Variants in GABRB2 observed in about 807,000 individuals in gnomAD.
GABRB2 encodes gamma-aminobutyric acid receptor subunit beta-2.
In GABRB2, 16 loss-of-function variants were observed where a neutral mutation model predicts 54.7. The ratio of observed to expected loss-of-function variants is 0.29; its 90% CI spans 0.20 to 0.44. GABRB2 has a LOEUF of 0.44. Among genes scored for constraint, GABRB2 ranks in the 20% least tolerant of loss-of-function variants. The pLI, the probability that GABRB2 is intolerant of heterozygous loss-of-function variation, is 1.00. For missense variants in GABRB2, 355 were observed against 644.0 expected, an observed-to-expected ratio of 0.55 and a Z score of 4.86; for synonymous variants, 244 against 233.8, an observed-to-expected ratio of 1.04 and a Z score of -0.40.
chr5:161,485,183 C>A (rs1758882030), intron 3 of GABRB2, among the ~76,000 whole-genome samples: 1 of 151,944 alleles, frequency 6.6e-6, no homozygotes, highest in Admixed American at 6.6e-5. Flanking sequence ...CATCCTCTAC[C>A]CCTGCATCCT....
At chr5:161,452,444 A>T (rs1370524080) in intron 4 of GABRB2, among the ~76,000 whole-genome samples, 1 of 152,196 alleles carries the variant, frequency 6.6e-6, no homozygotes, top group Non-Finnish European at 1.5e-5. Flanking sequence ...TTAGTTTTTG[A>T]AACCCAATAA....
intron 3 of GABRB2, among the ~76,000 whole-genome samples, chr5:161,530,467 C>A (rs1760419859): frequency 6.6e-6 from 1 of 151,920 alleles, no homozygotes; most frequent in African/African-American, 2.4e-5. Flanking sequence ...AGGAAATGTA[C>A]AATTATGATA....
chr5:161,497,414 C>T (rs1759284877), intron 3 of GABRB2, among the ~76,000 whole-genome samples: 1 of 152,028 alleles, frequency 6.6e-6, no homozygotes, highest in Non-Finnish European at 1.5e-5. Context: ...CTAAAGTGTT[C>T]TATCTCATAG....
At chr5:161,499,783 A>G (rs550115148) in intron 3 of GABRB2, among the ~76,000 whole-genome samples, 8 of 152,184 alleles carry the variant, frequency 5.3e-5, no homozygotes, top group Non-Finnish European at 8.8e-5. Context: ...TGCATAAGGC[A>G]GTGGTGGCAG....
intron 5 of GABRB2, among the ~76,000 whole-genome samples, chr5:161,373,157 C>A (rs193247396): frequency 2.2e-4 from 33 of 152,172 alleles, no homozygotes; most frequent in African/African-American, 7.9e-4. Flanking sequence ...GTGCAGTCAA[C>A]ATGGGTAAAT....
chr5:161,531,277 G>T (rs1486003647), intron 3 of GABRB2, among the ~76,000 whole-genome samples: 1 of 152,032 alleles, frequency 6.6e-6, no homozygotes, highest in Non-Finnish European at 1.5e-5. Context: ...CATGATTAAT[G>T]TTAAAAGTAT....
At chr5:161,340,785 T>C (rs1043846258) in intron 5 of GABRB2, among the ~76,000 whole-genome samples, 1 of 152,028 alleles carries the variant, frequency 6.6e-6, no homozygotes, top group Admixed American at 6.6e-5. Flanking sequence ...ATATTTTATG[T>C]CCCATTTTGT....
At chr5:161,457,608 G>A (rs4394158) in intron 4 of GABRB2, among the ~76,000 whole-genome samples, 35,259 of 151,726 alleles carry the variant, frequency 0.23, 5,264 homozygotes, top group African/African-American at 0.42. Context: ...ACTACGCCCA[G>A]CAAATTTTTT....
chr5:161,519,569 A>C (rs1334760788), intron 3 of GABRB2, among the ~76,000 whole-genome samples: 1 of 152,136 alleles, frequency 6.6e-6, no homozygotes, highest in East Asian at 1.9e-4. Context: ...CATATTAGAG[A>C]AATTCATTAA....
chr5:161,353,824 A>G (rs1423669123), intron 5 of GABRB2, among the ~76,000 whole-genome samples: 1 of 152,008 alleles, frequency 6.6e-6, no homozygotes, highest in Non-Finnish European at 1.5e-5. Context: ...GTGATTTAAT[A>G]AAGCAAAACA....
chr5:161,510,412 T>C (rs557897766), intron 3 of GABRB2, among the ~76,000 whole-genome samples: 62 of 152,070 alleles, frequency 4.1e-4, no homozygotes, highest in African/African-American at 1.4e-3. Flanking sequence ...CTTCCATCCA[T>C]GTTGTTGCAA....
intron 3 of GABRB2, among the ~76,000 whole-genome samples, chr5:161,519,717 T>C (rs1269809805): frequency 1.3e-5 from 2 of 152,146 alleles, no homozygotes; most frequent in Non-Finnish European, 2.9e-5. Context: ...TTCACATTTT[T>C]GTAGGAAACT....
chr5:161,495,022 T>A (rs1759190164), intron 3 of GABRB2, among the ~76,000 whole-genome samples: 1 of 152,050 alleles, frequency 6.6e-6, no homozygotes, highest in Non-Finnish European at 1.5e-5. Context: ...TTACAAAAGA[T>A]TCCTTATTTA....
At chr5:161,306,558 C>T (rs1030996995) in intron 9 of GABRB2, among the ~76,000 whole-genome samples, 39 of 152,180 alleles carry the variant, frequency 2.6e-4, no homozygotes, top group Non-Finnish European at 5.3e-4. Context: ...GAAGCAGCAG[C>T]CTTCTTTTTC....
intron 3 of GABRB2, among the ~76,000 whole-genome samples, chr5:161,535,277 T>A (rs72815522): frequency 0.15 from 22,185 of 152,146 alleles, 2,094 homozygotes; most frequent in Non-Finnish European, 0.21. Flanking sequence ...ATTCACACTG[T>A]GAATATTATA....
chr5:161,385,948 GTGTGTGTGTGTGTGTGTGTGTGT>G (rs1755616679), intron 5 of GABRB2, among the ~76,000 whole-genome samples: 3 of 108,278 alleles, frequency 2.8e-5, no homozygotes, highest in South Asian at 3.2e-4. Flanking sequence ...CTATTGTCTG[GTGTGTGTGTGTGTGTGTGTGTGT>G]GTGTGTGTGT....
At chr5:161,372,173 T>C (rs1173498511) in intron 5 of GABRB2, among the ~76,000 whole-genome samples, 2 of 152,216 alleles carry the variant, frequency 1.3e-5, no homozygotes, top group African/African-American at 4.8e-5. Context: ...TTTTATTTTT[T>C]AAAAAATTAC....
chr5:161,449,572 T>C (rs975417171), intron 4 of GABRB2, among the ~76,000 whole-genome samples: 1 of 152,138 alleles, frequency 6.6e-6, no homozygotes, highest in African/African-American at 2.4e-5. Context: ...AGAGAAAACT[T>C]AATCATTAAA....
intron 5 of GABRB2, among the ~76,000 whole-genome samples, chr5:161,339,737 A>C (rs1356838223): frequency 6.6e-6 from 1 of 152,082 alleles, no homozygotes; most frequent in African/African-American, 2.4e-5. Context: ...ATGAGCCCTG[A>C]TACTGCAAGT....
Sources: gnomAD v4.1 joint callset for allele counts (sites outside exome capture counted in the v4.1 genomes callset) on GRCh38, gnomAD v4.1.1 for gene constraint, MANE v1.5 for transcripts, NCBI Gene and HGNC (gene_info 2026-07-23, HGNC 2026-07-21) for gene names.